BCL2: variants seen among roughly 807,000 people sequenced by gnomAD.
BCL2 encodes BCL2 apoptosis regulator.
A neutral mutation model predicts 14.2 loss-of-function variants in BCL2; 1 was observed. The ratio of observed to expected loss-of-function variants is 0.07; its 90% confidence interval spans 0.02 to 0.33. The LOEUF is 0.33. Among genes scored for constraint, BCL2 ranks in the 10% least tolerant of loss-of-function variants. BCL2 has a pLI of 0.99. For synonymous variants in BCL2, 151 were observed against 137.2 expected (o/e 1.10, Z -0.70); for missense variants, 247 against 305.9 (o/e 0.81, Z 1.44).
chr18:63,206,526 G>A (rs1909841390), intron 2 of BCL2, among the ~76,000 whole-genome samples: 1 of 152,176 alleles, frequency 6.6e-6, no homozygotes, highest in African/African-American at 2.4e-5. Context: ...CTAATTAAGG[G>A]CAGTGGGAGA....
At chr18:63,291,512 G>A (rs1912644887) in intron 2 of BCL2, among the ~76,000 whole-genome samples, 1 of 152,158 alleles carries the variant, frequency 6.6e-6, no homozygotes, top group Non-Finnish European at 1.5e-5. Flanking sequence ...CTCATCAAGT[G>A]TCAACAGGTC....
chr18:63,315,211 A>G (rs1439925423), intron 2 of BCL2: 1 of 152,276 alleles, frequency 6.6e-6, no homozygotes, highest in Non-Finnish European at 1.5e-5. Flanking sequence ...GCTACTGTCT[A>G]TAAGCCACAC....
At position 63,169,389 on chromosome 18, in the gene BCL2, T is replaced by C. The variant is rs112916332; in HGVS notation, c.586-40630A>G. Among the ~76,000 whole-genome samples, 288 of 40,568 alleles carry C rather than the reference T, an allele frequency of 7.1e-3. 10 individuals carry two copies. The highest frequency in any genetic ancestry group is 0.01 in the South Asian group (12 of 1,192). 26.6% of individuals were successfully genotyped at this position (40,568 alleles called of 152,430 possible). On this transcript the variant is annotated intron_variant, in intron 2 of 2. Transcript: ENST00000333681. Reference sequence around the variant, plus strand: ...TCTTTCTCTTTCTTTCTTTCTTTCTTTTTCTTTCTTTCTTTTTCTTTCTCT... The same window carrying C: ...TCTTTCTCTTTCTTTCTTTCTTTCTCTTTCTTTCTTTCTTTTTCTTTCTCT...
chr18:63,132,501 C>T (rs1914094121), intron 2 of BCL2, among the ~76,000 whole-genome samples: 1 of 152,118 alleles, frequency 6.6e-6, no homozygotes, highest in African/African-American at 2.4e-5. Context: ...TGTATACATC[C>T]CGTGTTCTGG....
chr18:63,177,541 C>T (rs1486906254), intron 2 of BCL2, among the ~76,000 whole-genome samples: 6 of 152,220 alleles, frequency 3.9e-5, no homozygotes. Flanking sequence ...CCTCACACCA[C>T]TTATCCTCCT....
chr18:63,295,576 A>G (rs1912776205), intron 2 of BCL2, among the ~76,000 whole-genome samples: 1 of 152,222 alleles, frequency 6.6e-6, no homozygotes, highest in Admixed American at 6.5e-5. Context: ...GAAGAAATGA[A>G]AGCTCAGAAG....
chr18:63,283,736 C>T (rs934681882), intron 2 of BCL2, among the ~76,000 whole-genome samples: 3 of 152,116 alleles, frequency 2.0e-5, no homozygotes, highest in Non-Finnish European at 2.9e-5. Context: ...ACTTTTCCAG[C>T]GATCCCGGAA....
intron 2 of BCL2, among the ~76,000 whole-genome samples, chr18:63,135,944 G>A (rs1396691084): frequency 6.6e-6 from 1 of 152,042 alleles, no homozygotes; most frequent in Non-Finnish European, 1.5e-5. Flanking sequence ...TACCCTCCAT[G>A]TGGCTAAATT....
chr18:63,230,087 A>G (rs886449655), intron 2 of BCL2, among the ~76,000 whole-genome samples: 5 of 152,224 alleles, frequency 3.3e-5, no homozygotes, highest in South Asian at 2.1e-4. Context: ...GAGAATGCAC[A>G]TGAAATGTTC....
intron 2 of BCL2, among the ~76,000 whole-genome samples, chr18:63,256,856 A>C (rs1461644817): frequency 2.0e-5 from 3 of 152,144 alleles, no homozygotes; most frequent in Admixed American, 1.3e-4. Context: ...AGTATGTTCT[A>C]CTCTATTAAA....
chr18:63,160,150 C>T (rs1473268891), intron 2 of BCL2, among the ~76,000 whole-genome samples: 1 of 152,168 alleles, frequency 6.6e-6, no homozygotes, highest in Non-Finnish European at 1.5e-5. Context: ...TTATTTGCAT[C>T]TGAATATTTT....
intron 2 of BCL2, among the ~76,000 whole-genome samples, chr18:63,241,822 G>A (rs376396598): frequency 1.3e-5 from 2 of 152,126 alleles, no homozygotes; most frequent in African/African-American, 4.8e-5. Context: ...TGCCTCACCC[G>A]TCATTACTCT....
chr18:63,241,297 T>G (rs1200879388), intron 2 of BCL2, among the ~76,000 whole-genome samples: 1 of 152,248 alleles, frequency 6.6e-6, no homozygotes, highest in Non-Finnish European at 1.5e-5. Context: ...AGGGTTGTTT[T>G]GGAACTCTAT....
At chr18:63,273,604 T>A (rs1476246225) in intron 2 of BCL2, among the ~76,000 whole-genome samples, 5 of 152,192 alleles carry the variant, frequency 3.3e-5, no homozygotes, top group Non-Finnish European at 7.3e-5. Flanking sequence ...CCCTTGGCAG[T>A]CTCTTGAACT....
At chr18:63,258,157 C>T (rs1170454843) in intron 2 of BCL2, among the ~76,000 whole-genome samples, 5 of 152,174 alleles carry the variant, frequency 3.3e-5, no homozygotes, top group Admixed American at 2.6e-4. Flanking sequence ...CTTCCAGGAG[C>T]TGGAAGAGGT....
chr18:63,250,010 G>A (rs945078368), intron 2 of BCL2, among the ~76,000 whole-genome samples: 5 of 152,092 alleles, frequency 3.3e-5, no homozygotes, highest in East Asian at 1.9e-4. Flanking sequence ...TCTGCAGGGC[G>A]GGTATTTTAC....
At chr18:63,147,028 G>A (rs1173003047) in intron 2 of BCL2, among the ~76,000 whole-genome samples, 1 of 152,204 alleles carries the variant, frequency 6.6e-6, no homozygotes, top group Admixed American at 6.5e-5. Flanking sequence ...TTGGAGGGGA[G>A]GAGTCCCAGG....
intron 2 of BCL2, among the ~76,000 whole-genome samples, chr18:63,289,572 G>C (rs925400290): frequency 6.6e-6 from 1 of 151,962 alleles, no homozygotes; most frequent in African/African-American, 2.4e-5. Flanking sequence ...GCTGGATAAA[G>C]GAAAATGAAG....
intron 2 of BCL2, among the ~76,000 whole-genome samples, chr18:63,177,818 T>C (rs919731920): frequency 1.3e-5 from 2 of 152,150 alleles, no homozygotes; most frequent in African/African-American, 4.8e-5. Flanking sequence ...CTGACTCTGT[T>C]TGCAGTCACT....
Sources: allele counts gnomAD v4.1 joint callset (sites outside exome capture counted in the v4.1 genomes callset), GRCh38; gene constraint gnomAD v4.1.1; transcripts MANE v1.5; gene names NCBI Gene and HGNC (gene_info 2026-07-23, HGNC 2026-07-21).